REDIC1: variants seen among roughly 807,000 people sequenced by gnomAD.
REDIC1 encodes HEI10 Interacting Protein 1.
the REDIC1 span, chr12:39,716,936 T>G: frequency 4.2e-6 from 3 of 719,794 alleles, no homozygotes; most frequent in Non-Finnish European, 6.0e-6. Context: ...TTGAGTCAAT[T>G]AAATAGTGGA....
the REDIC1 span, among the ~76,000 whole-genome samples, chr12:39,690,846 A>C: frequency 2.0e-5 from 3 of 152,116 alleles, no homozygotes; most frequent in Non-Finnish European, 4.4e-5. Context: ...TTTGTGAATA[A>C]CTTAGTGTCT....
the REDIC1 span, chr12:39,640,902 C>CTG: frequency 7.2e-7 from 1 of 1,391,476 alleles, no homozygotes; most frequent in Non-Finnish European, 1.0e-6. Context: ...TGGCAGTTGT[C>CTG]TTAAAGGCCA....
the REDIC1 span, among the ~76,000 whole-genome samples, chr12:39,809,324 G>A: frequency 2.0e-5 from 3 of 152,106 alleles, no homozygotes; most frequent in Admixed American, 1.3e-4. Flanking sequence ...TTTATAGTAA[G>A]TCTTGAAATC....
the REDIC1 span, among the ~76,000 whole-genome samples, chr12:39,874,893 A>G: frequency 0.011 from 1,613 of 152,304 alleles, 23 homozygotes; most frequent in African/African-American, 0.035. Flanking sequence ...TATACTGGCA[A>G]CAGGCAATTG....
chr12:39,670,004 G>A, the REDIC1 span, among the ~76,000 whole-genome samples: 32 of 152,128 alleles, frequency 2.1e-4, no homozygotes, highest in Admixed American at 6.5e-5. Flanking sequence ...CTTCCCAAGT[G>A]AGGCGATGCC....
chr12:39,895,555 C>T, the REDIC1 span, among the ~76,000 whole-genome samples: 112 of 122,180 alleles, frequency 9.2e-4, 2 homozygotes, highest in South Asian at 2.1e-3. Flanking sequence ...TATATATACA[C>T]ACACACACAC....
the REDIC1 span, among the ~76,000 whole-genome samples, chr12:39,860,591 C>G: frequency 6.6e-6 from 1 of 152,188 alleles, no homozygotes; most frequent in Non-Finnish European, 1.5e-5. Context: ...TCCAAAATTG[C>G]ACGCATGGTC....
At chr12:39,701,049 T>C in the REDIC1 span, among the ~76,000 whole-genome samples, 2 of 151,338 alleles carry the variant, frequency 1.3e-5, no homozygotes, top group African/African-American at 4.9e-5. Flanking sequence ...AATCACCAGC[T>C]AACATCATAA....
At chr12:39,658,016 C>A in the REDIC1 span, among the ~76,000 whole-genome samples, 1 of 151,958 alleles carries the variant, frequency 6.6e-6, no homozygotes, top group Non-Finnish European at 1.5e-5. Context: ...AAATTCTCTA[C>A]TAACTGCTGT....
the REDIC1 span, among the ~76,000 whole-genome samples, chr12:39,870,827 G>T: frequency 4.6e-5 from 7 of 152,168 alleles, no homozygotes; most frequent in Non-Finnish European, 1.0e-4. Flanking sequence ...TGGAATGAGG[G>T]TCAGGAGAGG....
At chr12:39,702,815 C>G in the REDIC1 span, among the ~76,000 whole-genome samples, 3 of 152,284 alleles carry the variant, frequency 2.0e-5, no homozygotes, top group Non-Finnish European at 4.4e-5. Flanking sequence ...AGCATGTAAA[C>G]AGAACCAAAG....
chr12:39,696,344 C>A, the REDIC1 span, among the ~76,000 whole-genome samples: 1 of 150,894 alleles, frequency 6.6e-6, no homozygotes, highest in Admixed American at 6.6e-5. Context: ...GAGATCGAGA[C>A]CATCCCGGCT....
chr12:39,760,571 T>C, the REDIC1 span, among the ~76,000 whole-genome samples: 54 of 152,064 alleles, frequency 3.6e-4, no homozygotes, highest in Non-Finnish European at 5.7e-4. Flanking sequence ...CAGCATGTTG[T>C]TGAGACCCCT....
the REDIC1 span, among the ~76,000 whole-genome samples, chr12:39,748,660 T>C: frequency 6.6e-6 from 1 of 152,200 alleles, no homozygotes; most frequent in Non-Finnish European, 1.5e-5. Context: ...ATTGACCACA[T>C]AGTTGGAAGT....
chr12:39,652,187 C>T, the REDIC1 span, among the ~76,000 whole-genome samples: 1 of 151,960 alleles, frequency 6.6e-6, no homozygotes, highest in African/African-American at 2.4e-5. Context: ...TTTGCCTATT[C>T]CAAATATACC....
the REDIC1 span, among the ~76,000 whole-genome samples, chr12:39,705,713 T>A: frequency 7.9e-5 from 12 of 152,030 alleles, no homozygotes; most frequent in Non-Finnish European, 1.6e-4. Flanking sequence ...ACAAGAAACA[T>A]ATGAACATTT....
the REDIC1 span, among the ~76,000 whole-genome samples, chr12:39,678,970 T>C: frequency 6.6e-6 from 1 of 152,176 alleles, no homozygotes; most frequent in Non-Finnish European, 1.5e-5. Context: ...AAGCCATCTA[T>C]GACACACCCA....
chr12:39,830,096 G>T, the REDIC1 span: 1 of 1,613,372 alleles, frequency 6.2e-7, no homozygotes, highest in South Asian at 1.1e-5. Flanking sequence ...TAAAATGAGT[G>T]ATATACCTGC....
At chr12:39,799,696 AG>A in the REDIC1 span, among the ~76,000 whole-genome samples, 5 of 152,240 alleles carry the variant, frequency 3.3e-5, no homozygotes, top group Admixed American at 3.3e-4. Context: ...TAGAGAATGC[AG>A]GTCAGTGAAA....
Sources: gnomAD v4.1 joint callset for allele counts (sites outside exome capture counted in the v4.1 genomes callset) on GRCh38, gnomAD v4.1.1 for gene constraint, MANE v1.5 for transcripts, NCBI Gene and HGNC (gene_info 2026-07-23, HGNC 2026-07-21) for gene names.